SLC28A3: variants seen among roughly 807,000 people sequenced by gnomAD.
SLC28A3 encodes solute carrier family 28 member 3, also known as concentrative Na(+)-nucleoside cotransporter 3.
A neutral mutation model predicts 84.2 loss-of-function variants in SLC28A3; 68 were observed. The observed-to-expected ratio is 0.81, with a 90% CI of 0.66 to 0.99. The LOEUF is 0.99. Ranked by LOEUF, SLC28A3 falls within the 50% of genes least tolerant of loss-of-function variation. The probability of loss-of-function intolerance (pLI) is 0.00; values close to 1 mark genes in which losing one functional copy is unlikely to be tolerated. For synonymous variants in SLC28A3, 267 were observed against 303.6 expected (o/e 0.88, Z 1.25); for missense variants, 712 against 841.5 (o/e 0.85, Z 1.90).
intron 1 of SLC28A3, among the ~76,000 whole-genome samples, chr9:84,332,730 G>GA (rs916496524): frequency 1.3e-5 from 2 of 150,224 alleles, no homozygotes; most frequent in African/African-American, 2.4e-5. Context: ...ACACTTGTTC[G>GA]AAAAAAAAAT....
In SLC28A3 at chr9:84,280,009, C is replaced by T. The variant is rs1824679616; in HGVS notation, c.1794G>A (p.Gly598=). ...ASGAVRALIA[G]TVACFMTACI... is the part of the protein sequence containing the mutation. The stretch of plus-strand genomic sequence containing the variant: ...AGGCTGTCATGAAGCAGGCCACGGT[C>T]CCCGCAATCAGAGCTCTCACTGCCC... The change falls in exon 16 of 18, where the codon GGG becomes GGA. Residue 598 remains glycine (G), a synonymous_variant. Coordinates refer to ENST00000376238, the MANE Select transcript of SLC28A3 (RefSeq NM_001199633.2). 1 of 1,613,880 alleles carries T rather than the reference C, an allele frequency of 6.2e-7. No individual in the cohort carries two copies. The highest frequency in any genetic ancestry group is 1.7e-5 in the Admixed American group (1 of 60,022).
At chr9:84,310,931 T>A (rs10780660) in intron 2 of SLC28A3, among the ~76,000 whole-genome samples, 34,375 of 152,214 alleles carry the variant, frequency 0.23, 4,253 homozygotes, top group East Asian at 0.52. Context: ...ACCTGCTATC[T>A]ATGGTATATC....
At chr9:84,282,760 C>CTT (rs923134399) in intron 14 of SLC28A3, among the ~76,000 whole-genome samples, 2 of 152,190 alleles carry the variant, frequency 1.3e-5, no homozygotes, top group African/African-American at 4.8e-5. Context: ...TGAAGCAATA[C>CTT]TTTTCCAATA....
the SLC28A3 span, among the ~76,000 whole-genome samples, chr9:84,357,770 G>A: frequency 1.3e-5 from 2 of 152,244 alleles, no homozygotes; most frequent in South Asian, 2.1e-4. Context: ...GTTGAACACC[G>A]AGCTGTGGGT....
In SLC28A3 at chr9:84,325,581, C is replaced by T. The variant is rs372916608; in HGVS notation, c.61-12127G>A. 1.8e-4 allele frequency among the ~76,000 whole-genome samples: 28 copies of T among 152,288 alleles called. No individual in the cohort carries two copies. In the East Asian group the frequency reaches 3.9e-3, roughly 21 times the overall value. On this transcript the variant is annotated intron_variant, in intron 1 of 17. Transcript: ENST00000376238. ...CCAAACTAGCTTTCTGTTTCCAGCTCCTAGCATAATGCCTGGCACAATGTC... is the reference window on the plus strand; with the variant it reads ...CCAAACTAGCTTTCTGTTTCCAGCTTCTAGCATAATGCCTGGCACAATGTC...
At chr9:84,343,811 A>G (rs12335567), upstream of SLC28A3, among the ~76,000 whole-genome samples, 7,036 of 152,254 alleles carry the variant, frequency 0.046, 307 homozygotes, top group East Asian at 0.17. Flanking sequence ...AAGACAAAAT[A>G]TCCACTACCT....
rs1286673496 is a variant in SLC28A3 at position 84,278,059 on chromosome 9, G to A, written c.*159C>T. 2 of 953,568 alleles carry A rather than the reference G, an allele frequency of 2.1e-6. No individual in the cohort carries two copies. Among genetic ancestry groups the A allele is most frequent in the Non-Finnish European group, 3.0e-6 (2 of 670,426 alleles). 59.1% of individuals were successfully genotyped at this position (953,568 alleles called of 1,614,324 possible). A position where few individuals can be genotyped will look rare whatever the true frequency, so the allele number is the denominator to read the frequency against. ...GGGAGGGGAGGAGGAAAATGTTGTA[G>A]CTTTGAAGGTCCACTCTTGTTTTTC... On this transcript the variant is annotated 3_prime_UTR_variant, in exon 18 of 18. Transcript: ENST00000376238.
At chr9:84,326,694 C>T (rs1027613451) in intron 1 of SLC28A3, among the ~76,000 whole-genome samples, 1 of 151,704 alleles carries the variant, frequency 6.6e-6, no homozygotes, top group Middle Eastern at 3.2e-3. Flanking sequence ...CCAGGTCTTA[C>T]TCTCTGTTCA....
chr9:84,360,849 A>C, the SLC28A3 span, among the ~76,000 whole-genome samples: 17 of 152,232 alleles, frequency 1.1e-4, no homozygotes, highest in Admixed American at 2.6e-4. Flanking sequence ...CTAGGAGGTC[A>C]GGGCTGCAGT....
At position 84,317,510 on chromosome 9, in the gene SLC28A3, G is replaced by T. The variant is rs55909760; in HGVS notation, c.61-4056C>A. Among the ~76,000 whole-genome samples the T allele has an allele frequency of 3.1e-3, 469 of 152,262 alleles. 2 individuals are homozygous for T. Among genetic ancestry groups the T allele is most frequent in the African/African-American group, 0.01 (430 of 41,548 alleles). ...TGGACATGTCTTGTCATCATGGCTG[G>T]TTTGACATTCTTCAGCCTCTCCCTG... On this transcript the variant is annotated intron_variant, in intron 1 of 17. Transcript: ENST00000376238.
intron 10 of SLC28A3, among the ~76,000 whole-genome samples, chr9:84,291,754 C>T (rs1418688495): frequency 1.3e-5 from 2 of 152,176 alleles, no homozygotes; most frequent in East Asian, 3.9e-4. Context: ...TTCTGAGTGA[C>T]TTGATTTTTG....
At position 84,279,374 on chromosome 9, in the gene SLC28A3, T is replaced by G. The variant is rs761334565; in HGVS notation, c.1840A>C (p.Ser614Arg). ...TGGCAGTTGATGTCCACAGGAGTGCTGGAGAGTATGCCTAGAAGTGGAACA... is the reference window on the plus strand; with the variant it reads ...TGGCAGTTGATGTCCACAGGAGTGCGGGAGAGTATGCCTAGAAGTGGAACA... ...MTACIAGILS[S>R]TPVDINCHHV... The change falls in exon 17 of 18, where the codon AGC (serine) becomes CGC (arginine). Residue 614 changes from serine (S) to arginine (R), a missense_variant. By Grantham distance (110) the Ser-to-Arg change is moderately radical (BLOSUM62 -1). Coordinates refer to ENST00000376238, the MANE Select transcript of SLC28A3 (RefSeq NM_001199633.2). 6.3e-7 allele frequency: 1 copy of G among 1,589,888 alleles called. No homozygotes were observed.
intron 17 of SLC28A3, 78 bp from the exon 18 acceptor site, chr9:84,278,422 A>T (rs1824604231): frequency 1.3e-6 from 2 of 1,573,172 alleles, no homozygotes; most frequent in African/African-American, 2.7e-5. Context: ...TGACATTAAA[A>T]ATAGTTCAGG....
At chr9:84,301,382 C>T (rs540943350) in intron 5 of SLC28A3, among the ~76,000 whole-genome samples, 62 of 132,276 alleles carry the variant, frequency 4.7e-4, no homozygotes, top group African/African-American at 1.7e-3. Context: ...AAAGAAAAGG[C>T]TGTAAACATT....
chr9:84,355,128 G>A, the SLC28A3 span, among the ~76,000 whole-genome samples: 12 of 152,240 alleles, frequency 7.9e-5, no homozygotes, highest in South Asian at 2.1e-4. Context: ...GCTGGACGTC[G>A]TATGGAGCCA....
At chr9:84,360,849 A>G in the SLC28A3 span, among the ~76,000 whole-genome samples, 3 of 152,232 alleles carry the variant, frequency 2.0e-5, no homozygotes, top group African/African-American at 7.2e-5. Flanking sequence ...CTAGGAGGTC[A>G]GGGCTGCAGT....
At chr9:84,359,402 A>T in the SLC28A3 span, among the ~76,000 whole-genome samples, 1 of 152,244 alleles carries the variant, frequency 6.6e-6, no homozygotes, top group African/African-American at 2.4e-5. Flanking sequence ...AAAGAAAAAC[A>T]TTAGAATAGC....
intron 1 of SLC28A3, among the ~76,000 whole-genome samples, chr9:84,329,350 T>A (rs1481401711): frequency 6.6e-6 from 1 of 152,162 alleles, no homozygotes; most frequent in Non-Finnish European, 1.5e-5. Flanking sequence ...AATTGAACAG[T>A]GGTATATAAA....
chr9:84,353,284 G>T, the SLC28A3 span, among the ~76,000 whole-genome samples: 1 of 152,188 alleles, frequency 6.6e-6, no homozygotes, highest in Non-Finnish European at 1.5e-5. Context: ...CGTCTACTCA[G>T]TTATTTCATA....
Sources: gnomAD v4.1 joint callset for allele counts (sites outside exome capture counted in the v4.1 genomes callset) on GRCh38, gnomAD v4.1.1 for gene constraint, MANE v1.5 for transcripts, NCBI Gene and HGNC (gene_info 2026-07-23, HGNC 2026-07-21) for gene names.